MGA: variants seen among roughly 807,000 people sequenced by gnomAD.
The protein encoded by MGA is MAX dimerization protein MGA, also known as MAX gene-associated protein.
In MGA, 40 loss-of-function variants were observed where a neutral mutation model predicts 261.1. The ratio of observed to expected loss-of-function variants is 0.15; its 90% confidence interval spans 0.12 to 0.20. The LOEUF is 0.20. Among genes scored for constraint, MGA ranks in the 10% least tolerant of loss-of-function variants. The pLI, the probability that MGA is intolerant of heterozygous loss-of-function variation, is 1.00. For synonymous variants in MGA, 1,302 were observed against 1,290.6 expected (o/e 1.01, Z -0.19); for missense variants, 3,397 against 3,630.5 (o/e 0.94, Z 1.65).
chr15:41,735,732 CAAAA>C (rs879872384), intron 12 of MGA, among the ~76,000 whole-genome samples: 1 of 127,812 alleles, frequency 7.8e-6, no homozygotes, highest in Non-Finnish European at 1.7e-5. Flanking sequence ...GACTCCGTCT[CAAAA>C]AAAAAAAAAA....
chr15:41,766,806 C>CT lies in MGA; in HGVS notation c.8728dup (p.Ser2910PhefsTer2). The CT allele has an allele frequency of 6.2e-7, 1 of 1,614,020 alleles. No individual in the cohort carries two copies. The highest frequency in any genetic ancestry group is 8.5e-7 in the Non-Finnish European group (1 of 1,179,890). ...TCCTCTTGCACTTGGAAGACGATGA[C>CT]TTTTCTGAGAATGAAAAACAACTTG... On this transcript the variant is annotated frameshift_variant, in exon 24 of 24. Coordinates refer to ENST00000219905, the MANE Select transcript of MGA (RefSeq NM_001164273.2). LOFTEE classifies it high-confidence loss of function.
chr15:41,736,751 A>G, intron 13 of MGA, 53 bp downstream of exon 13: 1 of 1,472,194 alleles, frequency 6.8e-7, no homozygotes, highest in Non-Finnish European at 9.0e-7. Context: ...CCTAGGTAGT[A>G]TCATGATTTT....
rs1371667608 is a variant in MGA, at chr15:41,769,715, C to T, written c.*2435C>T. The T allele has an allele frequency of 1.3e-5, 2 of 152,506 alleles. No individual in the cohort carries two copies. The highest frequency in any genetic ancestry group is 2.9e-5 in the Non-Finnish European group (2 of 68,026). The allele number at this position is 152,506 out of a possible 1,614,324, so 9.4% of individuals were successfully genotyped here. ...CCTAACACTATAAGAAGCATGATCT[C>T]AATAGACCAATAATTCACCTTTTTA... On this transcript the variant is annotated 3_prime_UTR_variant, in exon 24 of 24. Transcript: ENST00000219905.
chr15:41,647,185 T>G (rs1324938770), intron 1 of MGA, among the ~76,000 whole-genome samples: 12 of 152,226 alleles, frequency 7.9e-5, no homozygotes, highest in Admixed American at 7.9e-4. Context: ...TGCTTGTATG[T>G]ACCTTACACA....
chr15:41,681,937 G>A (rs2058701998), intron 2 of MGA, among the ~76,000 whole-genome samples: 1 of 151,804 alleles, frequency 6.6e-6, no homozygotes, highest in Non-Finnish European at 1.5e-5. Context: ...GTTTTTCCGA[G>A]ATGGAGTTTT....
chr15:41,708,317 TTTGTTG>T, intron 7 of MGA, 109 bp downstream of exon 7: 1 of 826,502 alleles, frequency 1.2e-6, no homozygotes, highest in South Asian at 1.9e-5. Context: ...CCATGGGTTT[TTTGTTG>T]TTGTTGTTGT....
Position 41,766,971 on chromosome 15 carries a change from A to AC in MGA, c.8895dup (p.Thr2966HisfsTer33). The AC allele has an allele frequency of 6.2e-7, 1 of 1,613,770 alleles. No homozygotes were observed. The highest frequency in any genetic ancestry group is 8.5e-7 in the Non-Finnish European group (1 of 1,179,836). ...CTGCAGAGCCCGAAAGTGTGTCCTC[A>AC]CCCCCCACCCTACACATGAAGACTG... On this transcript the variant is annotated frameshift_variant, in exon 24 of 24. Coordinates refer to ENST00000219905, the MANE Select transcript of MGA (RefSeq NM_001164273.2). LOFTEE classifies it high-confidence loss of function.
At chr15:41,691,429 T>C (rs538818029) in intron 2 of MGA, among the ~76,000 whole-genome samples, 1 of 152,328 alleles carries the variant, frequency 6.6e-6, no homozygotes, top group Admixed American at 6.5e-5. Flanking sequence ...TAATAGTTTT[T>C]TAGTGGATTC....
chr15:41,714,276 T>C (rs1265387447), intron 9 of MGA, among the ~76,000 whole-genome samples: 2 of 152,062 alleles, frequency 1.3e-5, no homozygotes, highest in African/African-American at 4.8e-5. Context: ...ACATCAACAA[T>C]TGTAGATCTA....
At chr15:41,621,611 G>GCCACGCGCTACGCCCGTCC (rs1484569030) in intron 1 of MGA, 1 of 151,796 alleles carries the variant, frequency 6.6e-6, no homozygotes, top group African/African-American at 2.4e-5. Context: ...CGCCTTGCTT[G>GCCACGCGCTACGCCCGTCC]CCACGCGCTA....
intron 1 of MGA, among the ~76,000 whole-genome samples, chr15:41,641,858 C>T (rs1265194893): frequency 1.3e-5 from 2 of 150,230 alleles, no homozygotes; most frequent in East Asian, 4.0e-4. Flanking sequence ...TGCAGTGGTG[C>T]AGTCACAACT....
In MGA at chr15:41,734,607, A is replaced by G. The variant is rs896619376; in HGVS notation, c.3916+13A>G. 6.5e-7 allele frequency: 1 copy of G among 1,548,438 alleles called. No homozygotes were observed. Among genetic ancestry groups the G allele is most frequent in the African/African-American group, 1.4e-5 (1 of 73,388 alleles). The stretch of plus-strand genomic sequence containing the variant: ...GATAAATTACAAGGTCAGAATGAAA[A>G]CTAGATCTTAACATTTGATAAAAAT... On this transcript the variant is annotated intron_variant, in intron 12 of 23. Transcript: ENST00000219905.
intron 5 of MGA, among the ~76,000 whole-genome samples, chr15:41,704,912 A>G (rs768683637): frequency 6.6e-6 from 1 of 152,078 alleles, no homozygotes; most frequent in African/African-American, 2.4e-5. Flanking sequence ...TTTTGTAATG[A>G]CATTATAACA....
At chr15:41,717,947 A>G (rs1014910139) in intron 9 of MGA, among the ~76,000 whole-genome samples, 1 of 151,686 alleles carries the variant, frequency 6.6e-6, no homozygotes, top group Admixed American at 6.6e-5. Flanking sequence ...AAAATCAATC[A>G]GTATACTTTG....
chr15:41,710,594 T>G (rs1314767170), intron 7 of MGA, 97 bp from the exon 8 acceptor site: 2 of 1,197,096 alleles, frequency 1.7e-6, no homozygotes, highest in Admixed American at 5.4e-5. Flanking sequence ...ATTCACTATC[T>G]TGTAGCTCAA....
At position 41,715,810 on chromosome 15, in the gene MGA, G is replaced by T. The variant is rs943867259; in HGVS notation, c.3430+2314G>T. ...ATCTTTGTGTAAATAAGATTTTAAA[G>T]GTTTAAAATGAAGCATAGTGTAGAT... On this transcript the variant is annotated intron_variant, in intron 9 of 23. Coordinates refer to ENST00000219905, the MANE Select transcript of MGA (RefSeq NM_001164273.2). Among the ~76,000 whole-genome samples, 18 of 152,058 alleles carry T rather than the reference G, an allele frequency of 1.2e-4. 2 individuals carry two copies. The highest frequency in any genetic ancestry group is 1.1e-3 in the Admixed American group (17 of 15,268).
chr15:41,645,627 G>T (rs1284894552), intron 1 of MGA, among the ~76,000 whole-genome samples: 2 of 152,130 alleles, frequency 1.3e-5, no homozygotes, highest in African/African-American at 4.8e-5. Flanking sequence ...AACATTAGTT[G>T]AAGATTAATC....
In MGA at chr15:41,742,971, G is replaced by A. The variant is rs1318355100; in HGVS notation, c.5011G>A (p.Ala1671Thr). Residue 1671 changes from alanine (A) to threonine (T), a missense_variant, in exon 15 of 24, where the codon GCT becomes ACT. By Grantham distance (58) the Ala-to-Thr change is moderately conservative. This residue lies in a region of MGA where 1,410 missense variants were observed against 1,386.4 expected (regional missense o/e 1.02). Transcript: ENST00000219905. ...AACCACTGGGATAACTACCCCTGTG[G>A]CTTCAGTTGCTTTTCCTAAGTCTTT... The A allele has an allele frequency of 6.2e-7, 1 of 1,613,960 alleles. No homozygotes were observed. The highest frequency in any genetic ancestry group is 8.5e-7 in the Non-Finnish European group (1 of 1,179,882).
At position 41,683,866 on chromosome 15, in the gene MGA, C is replaced by A. The variant is rs576977198; in HGVS notation, c.1065-12209C>A. Among the ~76,000 whole-genome samples, 10 of 152,130 alleles carry A rather than the reference C, an allele frequency of 6.6e-5. No homozygotes were observed. The East Asian group carries it at 1.4e-3, about 21-fold the overall frequency. On this transcript the variant is annotated intron_variant, in intron 2 of 23. Coordinates refer to ENST00000219905, the MANE Select transcript of MGA (RefSeq NM_001164273.2). The stretch of plus-strand genomic sequence containing the variant: ...AAACTGCTGGGATTACAGGCGTGAC[C>A]CACCGTGCATGGCCTAAGCACCAGT...
Sources: gnomAD v4.1 joint callset for allele counts (sites outside exome capture counted in the v4.1 genomes callset) on GRCh38, gnomAD v4.1.1 for gene constraint, gnomAD v4.1.1 regional missense constraint, MANE v1.5 for transcripts, NCBI Gene and HGNC (gene_info 2026-07-23, HGNC 2026-07-21) for gene names.